TTC19: variants seen among roughly 807,000 people sequenced by gnomAD.
TTC19 encodes the protein tetratricopeptide repeat domain 19, also known as tetratricopeptide repeat protein 19, mitochondrial.
TTC19 carries 38 observed loss-of-function variants against 49.5 expected under a neutral mutation model. The observed-to-expected ratio is 0.77, with a 90% CI of 0.59 to 1.01. The LOEUF (loss-of-function observed/expected upper bound fraction) is 1.01, where lower values mean the gene tolerates loss of function less well. Among genes scored for constraint, TTC19 ranks in the 50% least tolerant of loss-of-function variants. The pLI is 0.00. For missense variants in TTC19, 475 were observed against 477.7 expected (o/e 0.99, Z 0.05); for synonymous variants, 204 against 185.2 (o/e 1.10, Z -0.83).
intron 2 of TTC19, chr17:16,039,876 C>T (rs547977648): frequency 2.5e-5 from 12 of 480,654 alleles, no homozygotes; most frequent in South Asian, 1.0e-4. Context: ...CTGCAACCTC[C>T]GCCTCCCAGA....
intron 2 of TTC19, chr17:16,035,028 G>GA (rs755900175): frequency 1.3e-4 from 168 of 1,300,512 alleles, no homozygotes; most frequent in Middle Eastern, 2.7e-4. Flanking sequence ...ATTGCTAAAT[G>GA]AAAAAAAAGC....
chr17:16,024,978 C>T, intron 7 of TTC19, 39 bp from the exon 8 acceptor site: 1 of 1,608,108 alleles, frequency 6.2e-7, no homozygotes, highest in Non-Finnish European at 8.5e-7. Context: ...CTGGTAACAA[C>T]CATTTGGGTA....
rs73981414 is a variant in TTC19, at chr17:16,028,493, G to A, written c.*971G>A. On this transcript the variant is annotated 3_prime_UTR_variant, in exon 10 of 10. Coordinates refer to ENST00000261647, the MANE Select transcript of TTC19 (RefSeq NM_017775.4). ...GGATTCTTTCTTAGCTGTGGGGGAAGGTATTTGGTTAGATGACTTTGAATG... is the reference window on the plus strand; with the variant it reads ...GGATTCTTTCTTAGCTGTGGGGGAAAGTATTTGGTTAGATGACTTTGAATG... 0.042 allele frequency: 19,099 copies of A among 454,004 alleles called. 540 individuals carry two copies. The highest frequency in any genetic ancestry group is 0.096 in the African/African-American group (4,822 of 50,070). The allele number at this position is 454,004 out of a possible 1,614,324, so 28.1% of individuals were successfully genotyped here. A position where few individuals can be genotyped will look rare whatever the true frequency, so the allele number is the denominator to read the frequency against.
rs1971567035 is a variant in TTC19 at position 16,026,520 on chromosome 17, GTTT to G, written c.832-16_832-14del. ...AAGGCATGTTTTTAAAGAAAAAATTGTTTTTTCTTTTACATACAGACCATTGTG... is the reference window on the plus strand; with the variant it reads ...AAGGCATGTTTTTAAAGAAAAAATTGTTTCTTTTACATACAGACCATTGTG... On this transcript the variant is annotated splice_polypyrimidine_tract_variant and intron_variant, in intron 8 of 9. Transcript: ENST00000261647. 6.2e-7 allele frequency: 1 copy of G among 1,612,686 alleles called. No individual in the cohort carries two copies. The highest frequency in any genetic ancestry group is 8.5e-7 in the Non-Finnish European group (1 of 1,179,296).
At chr17:16,027,153 C>T (rs1971586365) in intron 9 of TTC19, 3 of 581,520 alleles carry the variant, frequency 5.2e-6, no homozygotes, top group Non-Finnish European at 9.1e-6. Context: ...ATCTTGGGCT[C>T]ATCAAAGTCC....
chr17:16,007,232 AC>A (rs534130205), intron 7 of TTC19, among the ~76,000 whole-genome samples: 59 of 152,094 alleles, frequency 3.9e-4, no homozygotes, highest in African/African-American at 1.3e-3. Flanking sequence ...ATGTTCCAAG[AC>A]CCCCAGCAGA....
chr17:16,012,524 A>G (rs917351024), intron 7 of TTC19, among the ~76,000 whole-genome samples: 1 of 152,100 alleles, frequency 6.6e-6, no homozygotes, highest in African/African-American at 2.4e-5. Flanking sequence ...CAAGTGATCC[A>G]GCATTGCCAG....
exon 3 of TTC19, chr17:16,044,742 CT>C: frequency 1.3e-6 from 1 of 783,554 alleles, no homozygotes. Context: ...AATGTTGAAC[CT>C]TTTTGGTCCA....
downstream of TTC19, chr17:16,032,206 G>A: frequency 2.3e-6 from 3 of 1,306,882 alleles, no homozygotes; most frequent in South Asian, 1.5e-5. Flanking sequence ...ATAAGTCACA[G>A]GAGGGCAGGT....
intron 7 of TTC19, among the ~76,000 whole-genome samples, chr17:16,012,684 A>G (rs1971110542): frequency 6.6e-6 from 1 of 151,902 alleles, no homozygotes; most frequent in Non-Finnish European, 1.5e-5. Context: ...GATTACAGGC[A>G]TATGCCACCA....
chr17:16,039,511 C>T (rs1300285341), intron 2 of TTC19: 2 of 1,614,134 alleles, frequency 1.2e-6, no homozygotes, highest in African/African-American at 2.7e-5. Context: ...GTACCAGGCA[C>T]TACTCCCATA....
At chr17:16,002,572 TGG>T in intron 3 of TTC19, 3 of 578,330 alleles carry the variant, frequency 5.2e-6, no homozygotes, top group Non-Finnish European at 9.2e-6. Flanking sequence ...TAATGATGAG[TGG>T]ACCTAGATTT....
chr17:16,027,000 CAAT>C, intron 9 of TTC19: 1 of 526,644 alleles, frequency 1.9e-6, no homozygotes, highest in East Asian at 3.5e-5. Flanking sequence ...TGTTCAGTTA[CAAT>C]GTGTTTCTCA....
At chr17:16,042,153 A>C (rs2057828104) in intron 2 of TTC19, among the ~76,000 whole-genome samples, 1 of 94,784 alleles carries the variant, frequency 1.1e-5, no homozygotes, top group African/African-American at 5.3e-5. Context: ...GGGAGGCTTT[A>C]AACTGACAGA....
chr17:16,044,374 G>A, intron 2 of TTC19: 1 of 470,936 alleles, frequency 2.1e-6, no homozygotes, highest in African/African-American at 2.0e-5. Flanking sequence ...TCACAAGAGT[G>A]ACACAGATCT....
chr17:16,029,137 C>T lies in TTC19; in HGVS notation c.*1615C>T, dbSNP rs1232596060. 2.2e-6 allele frequency: 1 copy of T among 452,842 alleles called. No homozygotes were observed. 28.1% of individuals were successfully genotyped at this position (452,842 alleles called of 1,614,324 possible). On this transcript the variant is annotated 3_prime_UTR_variant, in exon 10 of 10. Transcript: ENST00000261647. Reference sequence around the variant, plus strand: ...TGAGAATGTTTTTACCTTTTCACAACTGCAGGGGTTACTGAAAGGTTTTTC... The same window carrying T: ...TGAGAATGTTTTTACCTTTTCACAATTGCAGGGGTTACTGAAAGGTTTTTC...
At chr17:16,042,920 A>C (rs930138140) in intron 2 of TTC19, among the ~76,000 whole-genome samples, 2 of 152,248 alleles carry the variant, frequency 1.3e-5, no homozygotes, top group African/African-American at 4.8e-5. Context: ...AGTTTTCAGC[A>C]TACAAGCGAC....
chr17:16,038,065 GTA>G (rs757238038), intron 2 of TTC19, among the ~76,000 whole-genome samples: 2 of 151,992 alleles, frequency 1.3e-5, no homozygotes, highest in Non-Finnish European at 2.9e-5. Flanking sequence ...AAGTTAACAT[GTA>G]TAGTTTTTTT....
intron 2 of TTC19, among the ~76,000 whole-genome samples, chr17:16,000,809 C>T (rs113511316): frequency 1.3e-4 from 20 of 152,304 alleles, no homozygotes; most frequent in African/African-American, 4.8e-4. Context: ...ACCATACCTA[C>T]CTCTCAGATT....
Sources: gnomAD v4.1 joint callset for allele counts (sites outside exome capture counted in the v4.1 genomes callset) on GRCh38, gnomAD v4.1.1 for gene constraint, MANE v1.5 for transcripts, NCBI Gene and HGNC (gene_info 2026-07-23, HGNC 2026-07-21) for gene names.